The following ADGRV1 variants were observed in gnomAD, a reference collection of about 807,000 sequenced individuals.
The protein encoded by ADGRV1 is adhesion G protein-coupled receptor V1.
ADGRV1 carries 359 observed loss-of-function variants against 596.2 expected under a neutral mutation model. The ratio of observed to expected loss-of-function variants is 0.60; its 90% CI spans 0.55 to 0.66. ADGRV1 has a LOEUF of 0.66. Among genes scored for constraint, ADGRV1 ranks in the 30% least tolerant of loss-of-function variants. The pLI is 0.00. For missense variants in ADGRV1, 7,274 were observed against 7,575.6 expected (o/e 0.96, Z 1.48); for synonymous variants, 2,681 against 2,679.2 (o/e 1.00, Z -0.02).
intron 75 of ADGRV1, among the ~76,000 whole-genome samples, chr5:90,817,389 T>C (rs1763007110): frequency 6.6e-6 from 1 of 151,402 alleles, no homozygotes; most frequent in Non-Finnish European, 1.5e-5. Context: ...TGGTAGTTTC[T>C]TTTGCTGTGC....
At chr5:90,770,909 A>G (rs180673601) in intron 59 of ADGRV1, among the ~76,000 whole-genome samples, 24 of 152,258 alleles carry the variant, frequency 1.6e-4, no homozygotes, top group Admixed American at 6.5e-4. Flanking sequence ...TTACACTGCA[A>G]TCTGTTCAGT....
chr5:91,061,312 G>C lies in ADGRV1; in HGVS notation c.18153-11135G>C, dbSNP rs143248992. Among the ~76,000 whole-genome samples the C allele has an allele frequency of 2.4e-3, 369 of 152,266 alleles. 8 individuals carry two copies. In the East Asian group the frequency reaches 0.037, roughly 15 times the overall value. On this transcript the variant is annotated intron_variant, in intron 85 of 89. Coordinates refer to ENST00000405460, the MANE Select transcript of ADGRV1 (RefSeq NM_032119.4). ...CCTACCTGGAATGAAGTTGGCAAGC[G>C]GTGTCCAGTGGATTTATTTCAGCAG...
At chr5:91,065,787 C>T (rs1037777027) in intron 85 of ADGRV1, among the ~76,000 whole-genome samples, 3 of 152,106 alleles carry the variant, frequency 2.0e-5, no homozygotes, top group Non-Finnish European at 4.4e-5. Flanking sequence ...ATTGGGAATG[C>T]TCCGAGGGTA....
chr5:90,850,977 C>T (rs1766426735), intron 79 of ADGRV1: 1 of 152,082 alleles, frequency 6.6e-6, no homozygotes. Context: ...ATAGACTTAC[C>T]TTTCCTTTTG....
intron 83 of ADGRV1, among the ~76,000 whole-genome samples, chr5:90,886,726 G>T (rs184274895): frequency 1.1e-3 from 172 of 152,208 alleles, no homozygotes; most frequent in African/African-American, 4.0e-3. Context: ...TTTAACATCC[G>T]CTTGAAAACC....
intron 4 of ADGRV1, among the ~76,000 whole-genome samples, chr5:90,621,252 G>T (rs995771988): frequency 6.6e-6 from 1 of 152,092 alleles, no homozygotes; most frequent in African/African-American, 2.4e-5. Context: ...TTTATTTTTA[G>T]ATTGCTACTA....
chr5:91,001,386 T>G (rs1362543013), intron 85 of ADGRV1, among the ~76,000 whole-genome samples: 1 of 152,190 alleles, frequency 6.6e-6, no homozygotes, highest in African/African-American at 2.4e-5. Flanking sequence ...CCATTTTTCA[T>G]TTTTTAAGAA....
intron 50 of ADGRV1, among the ~76,000 whole-genome samples, chr5:90,734,581 A>ATTT (rs3045850): frequency 3.8e-4 from 38 of 101,084 alleles, no homozygotes; most frequent in African/African-American, 7.6e-4. Flanking sequence ...TCTTTAGCCT[A>ATTT]TTTTTTTTTT....
intron 9 of ADGRV1, among the ~76,000 whole-genome samples, chr5:90,631,878 T>A (rs1193916107): frequency 6.6e-6 from 1 of 152,128 alleles, no homozygotes; most frequent in African/African-American, 2.4e-5. Context: ...AACAAAAAAA[T>A]CTCTGACTTT....
Position 90,823,597 on chromosome 5 carries a change from G to T in ADGRV1, c.16368+1G>T. 6.2e-7 allele frequency: 1 copy of T among 1,612,822 alleles called. No individual in the cohort carries two copies. The highest frequency in any genetic ancestry group is 1.1e-5 in the South Asian group (1 of 90,932). Reference sequence around the variant, plus strand: ...CAGCATTGAACTCAAACCAGAAAAGGTAAGAAATGAAGAGACACACTAGTG... The same window carrying T: ...CAGCATTGAACTCAAACCAGAAAAGTTAAGAAATGAAGAGACACACTAGTG... On this transcript the variant is annotated splice_donor_variant, in intron 76 of 89. Coordinates refer to ENST00000405460, the MANE Select transcript of ADGRV1 (RefSeq NM_032119.4). LOFTEE classifies it high-confidence loss of function.
At chr5:91,117,838 A>G (rs1346561416) in intron 87 of ADGRV1, among the ~76,000 whole-genome samples, 1 of 152,178 alleles carries the variant, frequency 6.6e-6, no homozygotes, top group Non-Finnish European at 1.5e-5. Flanking sequence ...TGTAAGCCTC[A>G]GGTTCCCTCT....
At chr5:90,653,025 C>G (rs1405223149) in intron 19 of ADGRV1, among the ~76,000 whole-genome samples, 184 bp from the exon 20 acceptor site, 1 of 152,210 alleles carries the variant, frequency 6.6e-6, no homozygotes, top group Non-Finnish European at 1.5e-5. Context: ...TTATGCTGAA[C>G]AAATATTATT....
chr5:90,899,596 T>TG (rs1771648087), intron 83 of ADGRV1, among the ~76,000 whole-genome samples: 1 of 152,218 alleles, frequency 6.6e-6, no homozygotes, highest in Non-Finnish European at 1.5e-5. Context: ...ACCTCAGTAC[T>TG]TGTCTTATAA....
rs577108734 is a variant in ADGRV1, at chr5:90,900,537, C to T, written c.17856+36680C>T. The stretch of plus-strand genomic sequence containing the variant: ...TTTTTAAAATTTAAATAAATTGCCA[C>T]AATTTAAAAATCAGAAAGTTTCAAC... On this transcript the variant is annotated intron_variant, in intron 83 of 89. Coordinates refer to ENST00000405460, the MANE Select transcript of ADGRV1 (RefSeq NM_032119.4). 5.9e-5 allele frequency among the ~76,000 whole-genome samples: 9 copies of T among 152,072 alleles called. No homozygotes were observed. In the South Asian group the frequency reaches 1.9e-3, roughly 32 times the overall value.
intron 86 of ADGRV1, among the ~76,000 whole-genome samples, chr5:91,100,829 G>C (rs148841892): frequency 2.6e-5 from 4 of 152,146 alleles, no homozygotes; most frequent in African/African-American, 9.7e-5. Context: ...CATCCCTTCT[G>C]TGATTTCTAA....
intron 1 of ADGRV1, among the ~76,000 whole-genome samples, chr5:90,603,330 C>G (rs1402813817): frequency 3.3e-5 from 5 of 152,228 alleles, no homozygotes; most frequent in Admixed American, 2.6e-4. Context: ...ATGTTTCCAT[C>G]TACTTCAAAC....
At chr5:90,658,458 T>C (rs755473136) in intron 21 of ADGRV1, among the ~76,000 whole-genome samples, 180 bp downstream of exon 21, 22 of 152,158 alleles carry the variant, frequency 1.4e-4, no homozygotes, top group Non-Finnish European at 2.8e-4. Flanking sequence ...AGTTCACCCT[T>C]TGGATCAACT....
intron 1 of ADGRV1, among the ~76,000 whole-genome samples, chr5:90,576,213 A>G (rs570792596): frequency 1.6e-4 from 24 of 152,126 alleles, no homozygotes; most frequent in Middle Eastern, 3.4e-3. Context: ...TGCTGCACCC[A>G]TCAACCCGTC....
At position 90,627,493 on chromosome 5, in the gene ADGRV1, A is replaced by T; in HGVS notation, c.955A>T (p.Asn319Tyr). 6.2e-7 allele frequency: 1 copy of T among 1,613,950 alleles called. No homozygotes were observed. Among genetic ancestry groups the T allele is most frequent in the Non-Finnish European group, 8.5e-7 (1 of 1,179,866 alleles). ...GAATTCCACAGCACATGCCCAGCAAAATCTGGACTTCATTGATCTTCAGCC... is the reference window on the plus strand; with the variant it reads ...GAATTCCACAGCACATGCCCAGCAATATCTGGACTTCATTGATCTTCAGCC... ...TGNSTAHAQQNLDFIDLQPNT... is the reference protein window; with the variant it reads ...TGNSTAHAQQYLDFIDLQPNT... Residue 319 changes from asparagine (N) to tyrosine (Y), a missense_variant, in exon 7 of 90, where the codon AAT becomes TAT. This residue lies in a region of ADGRV1 where 1,715 missense variants were observed against 1,708.8 expected (regional missense o/e 1.00). Coordinates refer to ENST00000405460, the MANE Select transcript of ADGRV1 (RefSeq NM_032119.4).
Sources: gnomAD v4.1 joint callset for allele counts (sites outside exome capture counted in the v4.1 genomes callset) on GRCh38, gnomAD v4.1.1 for gene constraint, gnomAD v4.1.1 regional missense constraint, MANE v1.5 for transcripts, NCBI Gene and HGNC (gene_info 2026-07-23, HGNC 2026-07-21) for gene names.